The following CPO variants were observed in gnomAD, a reference collection of about 807,000 sequenced individuals.
The protein encoded by CPO is metallocarboxypeptidase C.
In CPO, 43 loss-of-function variants were observed where a neutral mutation model predicts 41.2. The ratio of observed to expected loss-of-function variants is 1.04; its 90% confidence interval spans 0.82 to 1.35. The LOEUF is 1.35. Ranked by LOEUF, CPO falls within the 40% of genes most tolerant of loss-of-function variation. The pLI, the probability that CPO is intolerant of heterozygous loss-of-function variation, is 0.00. For missense variants in CPO, 408 were observed against 451.7 expected (o/e 0.90, Z 0.88); for synonymous variants, 178 against 162.7 (o/e 1.09, Z -0.72).
chr2:206,964,332 G>A (rs1206963763), intron 7 of CPO, among the ~76,000 whole-genome samples: 1 of 152,174 alleles, frequency 6.6e-6, no homozygotes, highest in Non-Finnish European at 1.5e-5. Flanking sequence ...GTAACATGTG[G>A]AAATAACTAA....
At position 206,949,818 on chromosome 2, in the gene CPO, TGTG is replaced by T. The variant is rs1693217423; in HGVS notation, c.165+109_165+111del. 1.2e-5 allele frequency: 8 copies of T among 668,788 alleles called. 1 individual carries two copies. In the Admixed American group the frequency reaches 1.8e-4, roughly 15 times the overall value. The allele number at this position is 668,788 out of a possible 1,614,324, so 41.4% of individuals were successfully genotyped here. On this transcript the variant is annotated intron_variant, in intron 2 of 8. Coordinates refer to ENST00000272852, the MANE Select transcript of CPO (RefSeq NM_173077.3). ...ATCCATGCATTAGAGAGGCTGAAAA[TGTG>T]GTGTTAAGATCTGCCAATACATTGA... is the stretch of plus-strand genomic sequence containing the variant.
At chr2:206,944,250 T>C (rs558955837) in intron 1 of CPO, among the ~76,000 whole-genome samples, 120 of 152,140 alleles carry the variant, frequency 7.9e-4, no homozygotes, top group Admixed American at 3.3e-3. Context: ...CTGATTACTT[T>C]ATAAAGACAC....
intron 7 of CPO, among the ~76,000 whole-genome samples, chr2:206,967,173 G>C (rs1227070253): frequency 6.6e-6 from 1 of 151,968 alleles, no homozygotes; most frequent in Non-Finnish European, 1.5e-5. Context: ...GGAATACCTA[G>C]AGCATCTGTC....
chr2:206,940,900 T>G (rs1160727302), intron 1 of CPO, among the ~76,000 whole-genome samples: 2 of 152,138 alleles, frequency 1.3e-5, no homozygotes, highest in East Asian at 3.8e-4. Flanking sequence ...GTCCAGGATC[T>G]CTGTGATATC....
chr2:206,969,447 C>T lies in CPO; in HGVS notation c.*11C>T. 1 of 1,613,236 alleles carries T rather than the reference C, an allele frequency of 6.2e-7. No individual in the cohort carries two copies. Among genetic ancestry groups the T allele is most frequent in the Non-Finnish European group, 8.5e-7 (1 of 1,179,324 alleles). On this transcript the variant is annotated 3_prime_UTR_variant, in exon 9 of 9. Transcript: ENST00000272852. ...ATGTCTCTTCTCTAAGTGCATTCTG[C>T]CCAGGCCTGCTCAACCCCAGTGGCA...
At chr2:206,959,863 C>T in intron 5 of CPO, 122 bp downstream of exon 5, 2 of 526,154 alleles carry the variant, frequency 3.8e-6, no homozygotes, top group Non-Finnish European at 6.9e-6. Context: ...AGAAAGGAAC[C>T]CCATTTGGGA....
intron 7 of CPO, among the ~76,000 whole-genome samples, chr2:206,966,250 A>G (rs1407000193): frequency 3.9e-5 from 6 of 152,156 alleles, no homozygotes; most frequent in Admixed American, 3.9e-4. Context: ...AGAAAAAAAA[A>G]AAGCAAGGAA....
intron 8 of CPO, 131 bp from the exon 9 acceptor site, chr2:206,969,043 C>G (rs1693634514): frequency 1.1e-6 from 1 of 921,218 alleles, no homozygotes; most frequent in African/African-American, 1.6e-5. Flanking sequence ...GAGAAGACAG[C>G]TATTTCTGAG....
intron 4 of CPO, among the ~76,000 whole-genome samples, chr2:206,958,728 G>GTTTTTTTTTTTT: frequency 1.9e-5 from 1 of 53,330 alleles, no homozygotes; most frequent in Non-Finnish European, 3.5e-5. Context: ...AAATTTTCTA[G>GTTTTTTTTTTTT]TTTTTTTTTT....
At chr2:206,960,817 TAGAAC>T in intron 5 of CPO, 30 bp from the exon 6 acceptor site, 2 of 1,444,496 alleles carry the variant, frequency 1.4e-6, no homozygotes, top group Non-Finnish European at 2.0e-6. Flanking sequence ...TATGAAACCT[TAGAAC>T]AGCAACATCC....
In CPO at chr2:206,942,335, T is replaced by C. The variant is rs554984068; in HGVS notation, c.68+2668T>C. ...CAGTTAACTCAGGGAGGTGGAATTA[T>C]TGATAATTCTTCTCTTTTCTATTTT... On this transcript the variant is annotated intron_variant, in intron 1 of 8. Transcript: ENST00000272852. Among the ~76,000 whole-genome samples the C allele has an allele frequency of 4.6e-5, 7 of 152,230 alleles. No individual in the cohort carries two copies. In the East Asian group the frequency reaches 7.7e-4, roughly 17 times the overall value.
chr2:206,947,107 A>C lies in CPO; in HGVS notation c.69-2510A>C, dbSNP rs527671746. Reference sequence around the variant, plus strand: ...TTTATGGAAAAGTGAAAGACCGAAAATATTCAACTCAATATTGAAAGAGAA... The same window carrying C: ...TTTATGGAAAAGTGAAAGACCGAAACTATTCAACTCAATATTGAAAGAGAA... On this transcript the variant is annotated intron_variant, in intron 1 of 8. Coordinates refer to ENST00000272852, the MANE Select transcript of CPO (RefSeq NM_173077.3). 2.6e-4 allele frequency among the ~76,000 whole-genome samples: 40 copies of C among 152,290 alleles called. No homozygotes were observed. In the East Asian group the frequency reaches 7.5e-3, roughly 29 times the overall value.
chr2:206,956,636 T>A (rs1216184434), intron 3 of CPO, among the ~76,000 whole-genome samples: 2 of 152,180 alleles, frequency 1.3e-5, no homozygotes, highest in Non-Finnish European at 2.9e-5. Context: ...GATACCACAG[T>A]GCATTTCTAA....
At chr2:206,946,699 A>G (rs1559069282) in intron 1 of CPO, among the ~76,000 whole-genome samples, 1 of 152,208 alleles carries the variant, frequency 6.6e-6, no homozygotes. Flanking sequence ...ATGATTATCA[A>G]TGTAGAAATC....
chr2:206,965,048 G>C (rs958441631), intron 7 of CPO, among the ~76,000 whole-genome samples: 1 of 152,122 alleles, frequency 6.6e-6, no homozygotes, highest in Non-Finnish European at 1.5e-5. Context: ...ACAGCAGGAG[G>C]GACCTGAGGC....
In CPO at chr2:206,969,462, C is replaced by T. The variant is rs748379214; in HGVS notation, c.*26C>T. Reference sequence around the variant, plus strand: ...GTGCATTCTGCCCAGGCCTGCTCAACCCCAGTGGCATGAGTGTGGCTGGAG... The same window carrying T: ...GTGCATTCTGCCCAGGCCTGCTCAATCCCAGTGGCATGAGTGTGGCTGGAG... On this transcript the variant is annotated 3_prime_UTR_variant, in exon 9 of 9. Transcript: ENST00000272852. 1 of 1,608,660 alleles carries T rather than the reference C, an allele frequency of 6.2e-7. No homozygotes were observed. Among genetic ancestry groups the T allele is most frequent in the East Asian group, 2.2e-5 (1 of 44,710 alleles).
intron 7 of CPO, among the ~76,000 whole-genome samples, chr2:206,964,579 A>G (rs1258910953): frequency 6.6e-6 from 1 of 152,140 alleles, no homozygotes; most frequent in Non-Finnish European, 1.5e-5. Context: ...CTCAGAAAGG[A>G]TGTGCAACTT....
chr2:206,943,605 G>GAA (rs11418160), intron 1 of CPO, among the ~76,000 whole-genome samples: 41,888 of 128,582 alleles, frequency 0.33, 7,115 homozygotes, highest in Non-Finnish European at 0.35. Context: ...AAGTCTTCAG[G>GAA]AAAAAAAAAA....
At chr2:206,959,426 CTG>C (rs1226460214) in intron 4 of CPO, among the ~76,000 whole-genome samples, 2 of 152,142 alleles carry the variant, frequency 1.3e-5, no homozygotes, top group Non-Finnish European at 2.9e-5. Context: ...TGCCAGCAAT[CTG>C]TGTCTTAACA....
Sources: gnomAD v4.1 joint callset for allele counts (sites outside exome capture counted in the v4.1 genomes callset) on GRCh38, gnomAD v4.1.1 for gene constraint, MANE v1.5 for transcripts, NCBI Gene and HGNC (gene_info 2026-07-23, HGNC 2026-07-21) for gene names.